Variants in PCDHGA1 observed in about 807,000 individuals in gnomAD.
PCDHGA1 encodes protocadherin gamma subfamily A, 1.
A neutral mutation model predicts 58.0 loss-of-function variants in PCDHGA1; 32 were observed. That is an observed-to-expected ratio of 0.55 (90% confidence interval 0.42 to 0.74). The LOEUF is 0.74. Among genes scored for constraint, PCDHGA1 ranks in the 30% least tolerant of loss-of-function variants. The pLI is 0.00. For missense variants in PCDHGA1, 1,205 were observed against 1,182.3 expected (o/e 1.02, Z -0.28); for synonymous variants, 498 against 501.1 (o/e 0.99, Z 0.08).
intron 1 of PCDHGA1, chr5:141,393,052 G>T (rs771952632): frequency 6.2e-7 from 1 of 1,613,614 alleles, no homozygotes; most frequent in Non-Finnish European, 8.5e-7. Context: ...CTGAACCCGC[G>T]CAGCGGCAGC....
intron 1 of PCDHGA1, chr5:141,360,531 A>G (rs766268377): frequency 5.0e-6 from 8 of 1,613,872 alleles, no homozygotes; most frequent in South Asian, 1.1e-5. Flanking sequence ...ATACCCCGCT[A>G]TTCAAACAGA....
intron 1 of PCDHGA1, chr5:141,418,451 A>AG (rs2096259161): frequency 3.1e-6 from 5 of 1,614,046 alleles, no homozygotes; most frequent in Non-Finnish European, 4.2e-6. Context: ...AGTATTGCAG[A>AG]AGACTCTGGA....
rs1156463888 is a variant in PCDHGA1 at position 141,332,288 on chromosome 5, G to A, written c.1604G>A (p.Arg535Gln). ...GACATGCAACTGAAAGTGATGGCGC[G>A]GGACAGTGGGGATCCGCCCCTCAGC... ...FRDMQLKVMA[R>Q]DSGDPPLSSN... Residue 535 changes from arginine (R) to glutamine (Q), a missense_variant, in exon 1 of 4, where the codon CGG becomes CAG. Coordinates refer to ENST00000517417, the MANE Select transcript of PCDHGA1 (RefSeq NM_018912.3). This position sits in a 1 kb window ranked among gnomAD's most constrained non-coding sequence, Gnocchi z 4.6. The A allele has an allele frequency of 6.2e-7, 1 of 1,614,184 alleles. No individual in the cohort carries two copies. The highest frequency in any genetic ancestry group is 8.5e-7 in the Non-Finnish European group (1 of 1,180,034).
At chr5:141,443,054 A>G (rs1591749542) in intron 1 of PCDHGA1, among the ~76,000 whole-genome samples, 1 of 152,218 alleles carries the variant, frequency 6.6e-6, no homozygotes. Flanking sequence ...TTATTGTTCC[A>G]CTGAAGAGCG....
intron 1 of PCDHGA1, chr5:141,399,349 C>T (rs1467940246): frequency 6.2e-7 from 1 of 1,613,932 alleles, no homozygotes; most frequent in East Asian, 2.2e-5. Context: ...AACCCTAGAC[C>T]GAGAGCAAAC....
intron 1 of PCDHGA1, chr5:141,389,481 C>G (rs372276550): frequency 3.7e-5 from 60 of 1,612,962 alleles, no homozygotes; most frequent in African/African-American, 8.0e-5. Flanking sequence ...ACTGCAGGCC[C>G]GCGACCAGGG....
At chr5:141,365,361 C>T (rs1223911772) in intron 1 of PCDHGA1, 6 of 1,613,832 alleles carry the variant, frequency 3.7e-6, no homozygotes, top group Admixed American at 1.7e-5. Context: ...AATGACAATG[C>T]CCCCGAAGTG....
intron 1 of PCDHGA1, chr5:141,341,344 A>ACTTGAAGACAAAAAGGAACCATTTTC: frequency 6.2e-7 from 1 of 1,614,132 alleles, no homozygotes; most frequent in Non-Finnish European, 8.5e-7. Context: ...AGGATTTTTT[A>ACTTGAAGACAAAAAGGAACCATTTTC]TCAGCGCCTC....
intron 1 of PCDHGA1, chr5:141,423,333 C>T (rs761192305): frequency 3.1e-6 from 5 of 1,614,184 alleles, no homozygotes; most frequent in Non-Finnish European, 4.2e-6. Context: ...CCGCAGTCTC[C>T]TGCATCTTCC....
At chr5:141,374,687 C>A in intron 1 of PCDHGA1, 1 of 1,609,446 alleles carries the variant, frequency 6.2e-7, no homozygotes, top group Non-Finnish European at 8.5e-7. Flanking sequence ...CACACTGGAC[C>A]GGGAAGGAGA....
Position 141,491,898 on chromosome 5 carries a change from G to C in PCDHGA1, c.2422-2909G>C, listed in dbSNP as rs772673872. 9.0e-5 allele frequency: 129 copies of C among 1,428,816 alleles called. 1 individual carries two copies. In the Middle Eastern group the frequency reaches 2.0e-3, roughly 22 times the overall value. The allele number at this position is 1,428,816 out of a possible 1,614,324, so 88.5% of individuals were successfully genotyped here. On this transcript the variant is annotated intron_variant, in intron 1 of 3. Coordinates refer to ENST00000517417, the MANE Select transcript of PCDHGA1 (RefSeq NM_018912.3). The surrounding 1 kb of genome is among the most constrained non-coding windows in gnomAD (Gnocchi z 6.9). ...ATTAAGGGATGGGGCTCCGAGCACCGGGGGTGGTGGCGACTGTGGGCGAGG... is the reference window on the plus strand; with the variant it reads ...ATTAAGGGATGGGGCTCCGAGCACCCGGGGTGGTGGCGACTGTGGGCGAGG...
chr5:141,404,405 TC>T, intron 1 of PCDHGA1: 1 of 1,613,914 alleles, frequency 6.2e-7, no homozygotes, highest in South Asian at 1.1e-5. Flanking sequence ...CAATGAGAAT[TC>T]TAGAGTTATT....
rs1045001776 is a variant in PCDHGA1 at position 141,356,756 on chromosome 5, C to T, written c.2421+23651C>T. 3.1e-6 allele frequency: 5 copies of T among 1,613,976 alleles called. No homozygotes were observed. In the South Asian group the frequency reaches 4.4e-5, roughly 14 times the overall value. On this transcript the variant is annotated intron_variant, in intron 1 of 3. Coordinates refer to ENST00000517417, the MANE Select transcript of PCDHGA1 (RefSeq NM_018912.3). ...ACAGGGATCCTATATGCTCTTTGCT[C>T]CTTCGACTATGAGCAGTTTAGAGAC...
rs765176989 is a variant in PCDHGA1, at chr5:141,350,711, C to T, written c.2421+17606C>T. On this transcript the variant is annotated intron_variant, in intron 1 of 3. Coordinates refer to ENST00000517417, the MANE Select transcript of PCDHGA1 (RefSeq NM_018912.3). ...AGCCTTACCCGGGGTAAAATTCTCT[C>T]TGGATTCTGCTCAAGATGCAGATGT... 3.1e-6 allele frequency: 5 copies of T among 1,613,962 alleles called. No individual in the cohort carries two copies. The East Asian group carries it at 8.9e-5, about 29-fold the overall frequency.
chr5:141,399,902 C>T, intron 1 of PCDHGA1: 3 of 1,612,490 alleles, frequency 1.9e-6, no homozygotes, highest in Non-Finnish European at 8.5e-7. Context: ...GCCGTGGACG[C>T]AGACTCAGGA....
intron 1 of PCDHGA1, chr5:141,339,180 G>T: frequency 6.2e-7 from 1 of 1,614,124 alleles, no homozygotes; most frequent in South Asian, 1.1e-5. Context: ...GTCTCCAGAG[G>T]TAGGTCCCAG....
At chr5:141,384,753 G>T (rs114533608) in intron 1 of PCDHGA1, 2 of 1,614,010 alleles carry the variant, frequency 1.2e-6, no homozygotes, top group African/African-American at 1.3e-5. Flanking sequence ...GACTCTTTGC[G>T]GTTGGGCTGT....
At chr5:141,382,914 G>A in intron 1 of PCDHGA1, 1 of 1,552,980 alleles carries the variant, frequency 6.4e-7, no homozygotes, top group Non-Finnish European at 8.7e-7. Flanking sequence ...CGGCTCAGCC[G>A]AGGGGCGGGG....
chr5:141,432,503 G>T lies in PCDHGA1; in HGVS notation c.2422-62304G>T, dbSNP rs939325676. 8.7e-6 allele frequency: 14 copies of T among 1,613,988 alleles called. No homozygotes were observed. The highest frequency in any genetic ancestry group is 1.3e-5 in the African/African-American group (1 of 74,930). ...TGGCGTGGAGCTGGCTCCCCGCTCC[G>T]CAGAGCCCGGCTACCTGGTGACCAA... On this transcript the variant is annotated intron_variant, in intron 1 of 3. Transcript: ENST00000517417. The surrounding 1 kb of genome is among the most constrained non-coding windows in gnomAD (Gnocchi z 6.0).
Sources: allele counts gnomAD v4.1 joint callset (sites outside exome capture counted in the v4.1 genomes callset), GRCh38; gene constraint gnomAD v4.1.1; non-coding constraint Gnocchi (gnomAD v3.1); transcripts MANE v1.5; gene names NCBI Gene and HGNC (gene_info 2026-07-23, HGNC 2026-07-21).